The following ARID3B variants were observed in gnomAD, a reference collection of about 807,000 sequenced individuals.
ARID3B encodes the protein AT-rich interactive domain-containing protein 3B.
A neutral mutation model predicts 51.9 loss-of-function variants in ARID3B; 10 were observed. That is an observed-to-expected ratio of 0.19 (90% CI 0.12 to 0.33). The LOEUF (loss-of-function observed/expected upper bound fraction) is 0.33, where lower values mean the gene tolerates loss of function less well. Among genes scored for constraint, ARID3B ranks in the 10% least tolerant of loss-of-function variants. ARID3B has a pLI of 1.00. For synonymous variants in ARID3B, 205 were observed against 279.5 expected (o/e 0.73, Z 2.66); for missense variants, 483 against 716.3 (o/e 0.67, Z 3.72).
rs758918124 is a variant in ARID3B at position 74,544,382 on chromosome 15, A to G, written c.446A>G (p.His149Arg). Reference protein sequence around the residue: ...NLLPAPGLPPHGQQAKEDHTK... With the variant: ...NLLPAPGLPPRGQQAKEDHTK... ...CTTCCAGCACCAGGGCTCCCACCAC[A>G]TGGACAACAAGCTAAAGAAGACCAT... is the stretch of plus-strand genomic sequence containing the variant. The change falls in exon 2 of 9, where the codon CAT (histidine) becomes CGT (arginine). Residue 149 changes from histidine (H) to arginine (R), a missense_variant. This residue lies in a region of ARID3B where 182 missense variants were observed against 244.5 expected (regional missense o/e 0.74). Transcript: ENST00000346246. 4.3e-6 allele frequency: 7 copies of G among 1,613,844 alleles called. No individual in the cohort carries two copies. The East Asian group carries it at 1.3e-4, about 31-fold the overall frequency.
chr15:74,572,678 A>G (rs2061723264), intron 2 of ARID3B, among the ~76,000 whole-genome samples, 184 bp from the exon 3 acceptor site: 1 of 147,572 alleles, frequency 6.8e-6, no homozygotes, highest in Non-Finnish European at 1.5e-5. Context: ...TCAAAAGCCA[A>G]AAAAAAAAAA....
chr15:74,566,487 C>G (rs2061699047), intron 2 of ARID3B, among the ~76,000 whole-genome samples: 1 of 151,842 alleles, frequency 6.6e-6, no homozygotes, highest in Admixed American at 6.6e-5. Context: ...CCTGTAATCC[C>G]AGCTGCTCAG....
intron 8 of ARID3B, among the ~76,000 whole-genome samples, chr15:74,593,561 GCTCTT>G (rs1030592797): frequency 3.9e-5 from 6 of 152,168 alleles, no homozygotes; most frequent in African/African-American, 1.2e-4. Flanking sequence ...CTGTAATTCA[GCTCTT>G]CTCTTCCTTT....
intron 4 of ARID3B, among the ~76,000 whole-genome samples, chr15:74,588,235 TAAA>T (rs34984821): frequency 7.1e-6 from 1 of 139,930 alleles, no homozygotes; most frequent in African/African-American, 2.6e-5. Flanking sequence ...CCCTATCTTT[TAAA>T]AAAAAAAAAA....
intron 4 of ARID3B, among the ~76,000 whole-genome samples, chr15:74,586,034 G>C (rs372110489): frequency 6.6e-6 from 1 of 152,212 alleles, no homozygotes; most frequent in Non-Finnish European, 1.5e-5. Flanking sequence ...GGAATAATGC[G>C]CCCAATCTCC....
intron 4 of ARID3B, among the ~76,000 whole-genome samples, chr15:74,576,088 T>C (rs2061736418): frequency 6.6e-6 from 1 of 151,992 alleles, no homozygotes; most frequent in Admixed American, 6.6e-5. Flanking sequence ...AGAAATGAGG[T>C]CTCACTATGT....
chr15:74,565,734 G>GTT (rs76265427), intron 2 of ARID3B, among the ~76,000 whole-genome samples: 11 of 140,450 alleles, frequency 7.8e-5, no homozygotes, highest in African/African-American at 1.0e-4. Context: ...TGTTTTTTTT[G>GTT]TTTTTTTTTT....
At chr15:74,565,372 C>G (rs569865813) in intron 2 of ARID3B, among the ~76,000 whole-genome samples, 1 of 152,254 alleles carries the variant, frequency 6.6e-6, no homozygotes, top group African/African-American at 2.4e-5. Context: ...AGAGAACTCT[C>G]AAGAATCTCT....
chr15:74,594,771 C>T (rs2061818042), intron 8 of ARID3B, among the ~76,000 whole-genome samples: 1 of 151,362 alleles, frequency 6.6e-6, no homozygotes, highest in Non-Finnish European at 1.5e-5. Flanking sequence ...GTGGGCTCAC[C>T]AGTCATGCTA....
intron 2 of ARID3B, among the ~76,000 whole-genome samples, chr15:74,555,786 CTTTTTTTTTTT>C (rs869243539): frequency 1.6e-4 from 15 of 95,116 alleles, no homozygotes; most frequent in African/African-American, 6.0e-4. Flanking sequence ...AGCTGTATTT[CTTTTTTTTTTT>C]TTTTTTTTTT....
intron 2 of ARID3B, among the ~76,000 whole-genome samples, chr15:74,562,860 A>G (rs1303928008): frequency 6.6e-6 from 1 of 152,214 alleles, no homozygotes; most frequent in East Asian, 1.9e-4. Flanking sequence ...CATATGAATC[A>G]TGGGCCCCTT....
chr15:74,580,656 C>T (rs2061758455), intron 4 of ARID3B, among the ~76,000 whole-genome samples: 1 of 152,210 alleles, frequency 6.6e-6, no homozygotes, highest in Non-Finnish European at 1.5e-5. Context: ...AGTGACTCAC[C>T]TAAGGCCACA....
Position 74,597,200 on chromosome 15 carries a change from T to G in ARID3B, c.*1426T>G, listed in dbSNP as rs913409891. On this transcript the variant is annotated 3_prime_UTR_variant, in exon 9 of 9. Coordinates refer to ENST00000346246, the MANE Select transcript of ARID3B (RefSeq NM_006465.4). ...AGATGAATAACTCCACAGCTCCTCC[T>G]GGACCCTGCGCGGGAGCAGGCAGCT... is the stretch of plus-strand genomic sequence containing the variant. 3 of 353,958 alleles carry G rather than the reference T, an allele frequency of 8.5e-6. No homozygotes were observed. The highest frequency in any genetic ancestry group is 2.1e-5 in the African/African-American group (1 of 47,262). The allele number at this position is 353,958 out of a possible 1,614,324, so 21.9% of individuals were successfully genotyped here. A position where few individuals can be genotyped will look rare whatever the true frequency, so the allele number is the denominator to read the frequency against.
At chr15:74,583,612 G>T (rs189779590) in intron 4 of ARID3B, among the ~76,000 whole-genome samples, 1 of 152,154 alleles carries the variant, frequency 6.6e-6, no homozygotes, top group African/African-American at 2.4e-5. Flanking sequence ...AGCCACTTGG[G>T]AGCCGGAGGC....
intron 4 of ARID3B, chr15:74,574,201 G>C (rs1423900368): frequency 6.6e-6 from 1 of 152,236 alleles, no homozygotes; most frequent in Non-Finnish European, 1.5e-5. Flanking sequence ...ATAGCAATGG[G>C]TTCACCAGCC....
chr15:74,551,212 G>A (rs1436254550), intron 2 of ARID3B, among the ~76,000 whole-genome samples: 1 of 152,170 alleles, frequency 6.6e-6, no homozygotes, highest in Non-Finnish European at 1.5e-5. Flanking sequence ...TATGACCTTT[G>A]TAGATAAGAT....
chr15:74,559,067 A>G (rs2061669431), intron 2 of ARID3B, among the ~76,000 whole-genome samples: 1 of 151,980 alleles, frequency 6.6e-6, no homozygotes, highest in African/African-American at 2.4e-5. Flanking sequence ...CTCTGGCTTT[A>G]TGCAGTTGTT....
intron 4 of ARID3B, among the ~76,000 whole-genome samples, chr15:74,588,401 A>C (rs574637856): frequency 5.8e-4 from 88 of 152,204 alleles, no homozygotes; most frequent in African/African-American, 2.0e-3. Flanking sequence ...TAGGGAAAGA[A>C]GGCGGATGGA....
chr15:74,552,403 C>G (rs953974069), intron 2 of ARID3B, among the ~76,000 whole-genome samples: 6 of 136,862 alleles, frequency 4.4e-5, no homozygotes, highest in African/African-American at 1.7e-4. Flanking sequence ...CCACGTTGGT[C>G]AGGCTGGTCT....
Sources: allele counts gnomAD v4.1 joint callset (sites outside exome capture counted in the v4.1 genomes callset), GRCh38; gene constraint gnomAD v4.1.1; regional missense constraint gnomAD v4.1.1; transcripts MANE v1.5; gene names NCBI Gene and HGNC (gene_info 2026-07-23, HGNC 2026-07-21).